Variants in IGSF21 observed in about 807,000 individuals in gnomAD.
IGSF21 encodes the protein immunoglobulin superfamily member 21.
IGSF21 carries 28 observed loss-of-function variants against 46.8 expected under a neutral mutation model. That is an observed-to-expected ratio of 0.60 (90% CI 0.44 to 0.82). The LOEUF is 0.82. IGSF21 is among the 40% of genes least tolerant of loss of function. IGSF21 has a pLI of 0.00. For missense variants in IGSF21, 624 were observed against 665.5 expected (o/e 0.94, Z 0.69); for synonymous variants, 284 against 273.6 (o/e 1.04, Z -0.38).
intron 1 of IGSF21, among the ~76,000 whole-genome samples, chr1:18,125,247 T>C (rs2086266062): frequency 1.3e-5 from 2 of 152,228 alleles, no homozygotes; most frequent in South Asian, 4.1e-4. Context: ...ATCTTCTTCA[T>C]GATTCAGGTC....
chr1:18,367,599 C>CTTTTTTT (rs1443445572), intron 6 of IGSF21, among the ~76,000 whole-genome samples: 2 of 80,874 alleles, frequency 2.5e-5, no homozygotes, highest in Non-Finnish European at 5.6e-5. Flanking sequence ...TTCTCTCTCT[C>CTTTTTTT]TCTCTTTTTT....
chr1:18,346,572 G>A (rs1055856615), intron 4 of IGSF21, among the ~76,000 whole-genome samples: 7 of 152,104 alleles, frequency 4.6e-5, no homozygotes, highest in African/African-American at 1.7e-4. Flanking sequence ...TGGAAAGATG[G>A]GAACAGATGT....
intron 1 of IGSF21, among the ~76,000 whole-genome samples, chr1:18,148,384 G>A (rs1334369042): frequency 6.6e-6 from 1 of 152,054 alleles, no homozygotes; most frequent in Non-Finnish European, 1.5e-5. Context: ...CGCCCGCCTC[G>A]GCCTCCCAAA....
At chr1:18,289,529 A>G (rs533182267) in intron 2 of IGSF21, among the ~76,000 whole-genome samples, 3 of 152,280 alleles carry the variant, frequency 2.0e-5, no homozygotes, top group African/African-American at 7.2e-5. Context: ...CAGTTTCTTT[A>G]CCTGCAAAAT....
chr1:18,221,266 G>A lies in IGSF21; in HGVS notation c.71-6632G>A, dbSNP rs149740682. Among the ~76,000 whole-genome samples, 765 of 152,282 alleles carry A rather than the reference G, an allele frequency of 5.0e-3. 8 individuals are homozygous for A. The highest frequency in any genetic ancestry group is 0.017 in the African/African-American group (695 of 41,546). On this transcript the variant is annotated intron_variant, in intron 1 of 9. Coordinates refer to ENST00000251296, the MANE Select transcript of IGSF21 (RefSeq NM_032880.5). The stretch of plus-strand genomic sequence containing the variant: ...TATAACAAGGGTGAAAACTCATCTC[G>A]GTTTGCCAGAAACATTGTCAGTTTT...
chr1:18,148,567 G>A (rs963842439), intron 1 of IGSF21, among the ~76,000 whole-genome samples: 5 of 152,330 alleles, frequency 3.3e-5, no homozygotes, highest in African/African-American at 1.2e-4. Context: ...TCCAGCTTCA[G>A]CGTCTAGACT....
chr1:18,362,931 C>T (rs1420324670), intron 5 of IGSF21, among the ~76,000 whole-genome samples: 1 of 152,154 alleles, frequency 6.6e-6, no homozygotes, highest in African/African-American at 2.4e-5. Context: ...GGAAATGCCC[C>T]CTCCCCACTT....
intron 1 of IGSF21, chr1:18,115,392 G>A (rs979850174): frequency 1.3e-5 from 2 of 152,224 alleles, no homozygotes; most frequent in Non-Finnish European, 2.9e-5. Context: ...CTCCTGAACA[G>A]AGCTATTGAG....
chr1:18,143,992 A>G (rs1051724448), intron 1 of IGSF21, among the ~76,000 whole-genome samples: 1 of 152,056 alleles, frequency 6.6e-6, no homozygotes, highest in Non-Finnish European at 1.5e-5. Context: ...CCCCTATCAG[A>G]TTAAGGCTTC....
chr1:18,143,623 C>G (rs2086438624), intron 1 of IGSF21, among the ~76,000 whole-genome samples: 1 of 152,198 alleles, frequency 6.6e-6, no homozygotes. Context: ...CAGAGCCTGG[C>G]TGGACTTTCA....
chr1:18,278,904 T>C, intron 2 of IGSF21: 1 of 471,684 alleles, frequency 2.1e-6, no homozygotes, highest in South Asian at 1.5e-5. Context: ...ATATGGGTGT[T>C]TGCCTTAAAG....
intron 1 of IGSF21, among the ~76,000 whole-genome samples, chr1:18,168,152 G>T (rs2086698125): frequency 6.6e-6 from 1 of 152,112 alleles, no homozygotes; most frequent in African/African-American, 2.4e-5. Flanking sequence ...CCTCTGAACT[G>T]CAAGGAGGGT....
At chr1:18,193,711 A>T (rs1185879255) in intron 1 of IGSF21, among the ~76,000 whole-genome samples, 1 of 146,704 alleles carries the variant, frequency 6.8e-6, no homozygotes, top group African/African-American at 2.5e-5. Flanking sequence ...TCCTTTGGCA[A>T]CACCCTCACA....
intron 3 of IGSF21, among the ~76,000 whole-genome samples, chr1:18,315,611 G>A (rs1345815182): frequency 1.3e-5 from 2 of 151,312 alleles, no homozygotes; most frequent in African/African-American, 4.9e-5. Context: ...CAGATGGTAG[G>A]TGGATGATGG....
chr1:18,370,554 G>C (rs1239443540), intron 6 of IGSF21, among the ~76,000 whole-genome samples: 1 of 152,012 alleles, frequency 6.6e-6, no homozygotes, highest in African/African-American at 2.4e-5. Context: ...TCTTAAAGTG[G>C]TCACAAAATA....
intron 1 of IGSF21, among the ~76,000 whole-genome samples, chr1:18,218,050 T>C (rs954276450): frequency 6.6e-6 from 1 of 152,240 alleles, no homozygotes; most frequent in Non-Finnish European, 1.5e-5. Flanking sequence ...GTAGTGTTAG[T>C]CCATTCTTGC....
chr1:18,368,780 G>C (rs958753219), intron 6 of IGSF21, among the ~76,000 whole-genome samples: 1 of 152,154 alleles, frequency 6.6e-6, no homozygotes, highest in African/African-American at 2.4e-5. Flanking sequence ...CTGGCTTCCA[G>C]CGGGGTGGCA....
chr1:18,274,370 G>T (rs2085080204), intron 2 of IGSF21, among the ~76,000 whole-genome samples: 1 of 152,210 alleles, frequency 6.6e-6, no homozygotes, highest in African/African-American at 2.4e-5. Context: ...AACTCTTCCT[G>T]GAGAGATTAG....
At chr1:18,352,111 C>T (rs1181664828) in intron 4 of IGSF21, among the ~76,000 whole-genome samples, 1 of 152,154 alleles carries the variant, frequency 6.6e-6, no homozygotes, top group African/African-American at 2.4e-5. Flanking sequence ...GCGTATAGGG[C>T]CAGGGAGGCT....
Sources: allele counts gnomAD v4.1 joint callset (sites outside exome capture counted in the v4.1 genomes callset), GRCh38; gene constraint gnomAD v4.1.1; transcripts MANE v1.5; gene names NCBI Gene and HGNC (gene_info 2026-07-23, HGNC 2026-07-21).